The following BBS9 variants were observed in gnomAD, a reference collection of about 807,000 sequenced individuals.
BBS9 encodes the protein Bardet-Biedl syndrome 9.
In BBS9, 89 loss-of-function variants were observed where a neutral mutation model predicts 117.7. The ratio of observed to expected loss-of-function variants is 0.76; its 90% CI spans 0.64 to 0.90. The LOEUF (loss-of-function observed/expected upper bound fraction) is 0.90, where lower values mean the gene tolerates loss of function less well. BBS9 is among the 40% of genes least tolerant of loss of function. The probability of loss-of-function intolerance (pLI) is 0.00; values close to 1 mark genes in which losing one functional copy is unlikely to be tolerated. For synonymous variants in BBS9, 379 were observed against 370.9 expected, an observed-to-expected ratio of 1.02 and a Z score of -0.25; for missense variants, 982 against 1,042.2, an observed-to-expected ratio of 0.94 and a Z score of 0.80.
intron 9 of BBS9, among the ~76,000 whole-genome samples, chr7:33,320,820 A>C (rs1328609998): frequency 6.6e-6 from 1 of 151,954 alleles, no homozygotes; most frequent in African/African-American, 2.4e-5. Context: ...GTAGTCCTGA[A>C]GAGTTTCCTC....
chr7:33,352,914 C>A, intron 15 of BBS9, 41 bp downstream of exon 15: 1 of 1,582,722 alleles, frequency 6.3e-7, no homozygotes, highest in East Asian at 2.2e-5. Flanking sequence ...AATTTCAGAA[C>A]TGAAATTTGA....
chr7:33,292,340 A>C (rs1336970737), intron 9 of BBS9, among the ~76,000 whole-genome samples: 1 of 151,448 alleles, frequency 6.6e-6, no homozygotes, highest in Non-Finnish European at 1.5e-5. Flanking sequence ...TGATCCTCCC[A>C]CCTCAGCCCC....
At chr7:33,242,767 T>C (rs961021342) in intron 5 of BBS9, among the ~76,000 whole-genome samples, 13 of 152,200 alleles carry the variant, frequency 8.5e-5, no homozygotes, top group African/African-American at 3.1e-4. Flanking sequence ...AATTAGATGT[T>C]ACTTATAAGC....
At chr7:33,600,331 C>A (rs1370317505) in intron 21 of BBS9, among the ~76,000 whole-genome samples, 1 of 151,492 alleles carries the variant, frequency 6.6e-6, no homozygotes. Flanking sequence ...TCTACTAGTT[C>A]TTTTTATTCA....
intron 19 of BBS9, among the ~76,000 whole-genome samples, chr7:33,420,984 G>A (rs111860348): frequency 0.015 from 2,211 of 152,204 alleles, 23 homozygotes; most frequent in Non-Finnish European, 0.021. Flanking sequence ...ACACTGTTTT[G>A]TGGCATCTTG....
intron 21 of BBS9, among the ~76,000 whole-genome samples, chr7:33,615,524 A>G (rs1485341895): frequency 6.6e-6 from 1 of 152,082 alleles, no homozygotes; most frequent in Non-Finnish European, 1.5e-5. Flanking sequence ...TGTCAATAGA[A>G]ACTTCCCAAA....
At chr7:33,473,042 C>A (rs111906092) in intron 19 of BBS9, among the ~76,000 whole-genome samples, 2 of 152,228 alleles carry the variant, frequency 1.3e-5, no homozygotes, top group South Asian at 2.1e-4. Flanking sequence ...ATGGCCCTGC[C>A]GAGCTCCAGC....
At chr7:33,546,212 G>T (rs780346886) in intron 21 of BBS9, among the ~76,000 whole-genome samples, 5 of 151,770 alleles carry the variant, frequency 3.3e-5, no homozygotes, top group African/African-American at 7.3e-5. Context: ...GGATTACAGG[G>T]GTGAGCCACT....
At chr7:33,203,140 AG>A in intron 5 of BBS9, among the ~76,000 whole-genome samples, 1 of 152,172 alleles carries the variant, frequency 6.6e-6, no homozygotes, top group Non-Finnish European at 1.5e-5. Flanking sequence ...GGTAGGTGGT[AG>A]GGGTTGGTAA....
chr7:33,289,482 A>C (rs1489759102), intron 9 of BBS9, among the ~76,000 whole-genome samples: 1 of 152,276 alleles, frequency 6.6e-6, no homozygotes, highest in East Asian at 1.9e-4. Flanking sequence ...TTTTTATTTG[A>C]GAGAAAAGTT....
Position 33,477,820 on chromosome 7 carries a change from T to C in BBS9, c.2116-27643T>C, listed in dbSNP as rs1461038149. Among the ~76,000 whole-genome samples, 4 of 152,202 alleles carry C rather than the reference T, an allele frequency of 2.6e-5. No individual in the cohort carries two copies. The East Asian group carries it at 7.7e-4, about 29-fold the overall frequency. ...AGGGGTTAACTAATTCATTAAAATA[T>C]GTGTGCTGACCACTAGTTGTGTGGT... On this transcript the variant is annotated intron_variant, in intron 19 of 22. Coordinates refer to ENST00000242067, the MANE Select transcript of BBS9 (RefSeq NM_198428.3).
At chr7:33,411,542 A>C (rs1831140891) in intron 19 of BBS9, among the ~76,000 whole-genome samples, 1 of 152,206 alleles carries the variant, frequency 6.6e-6, no homozygotes, top group South Asian at 2.1e-4. Context: ...GATTTCAAGA[A>C]ACAACGCAAA....
At chr7:33,129,285 G>T (rs531369371), upstream of BBS9, 14 of 539,378 alleles carry the variant, frequency 2.6e-5, no homozygotes, top group African/African-American at 1.5e-4. Context: ...TCACGCGGCC[G>T]GGGGGGCGTG....
chr7:33,303,988 C>G (rs1234106716), intron 9 of BBS9, among the ~76,000 whole-genome samples: 2 of 150,962 alleles, frequency 1.3e-5, no homozygotes, highest in Admixed American at 1.3e-4. Flanking sequence ...ATGTGAGGAG[C>G]CCCTCTGCCC....
chr7:33,433,524 A>G (rs1056428617), intron 19 of BBS9, among the ~76,000 whole-genome samples: 1 of 152,224 alleles, frequency 6.6e-6, no homozygotes, highest in Non-Finnish European at 1.5e-5. Context: ...TCAGCTTATA[A>G]CATCATAATA....
At chr7:33,564,748 A>G (rs894535826) in intron 21 of BBS9, among the ~76,000 whole-genome samples, 33 of 152,336 alleles carry the variant, frequency 2.2e-4, no homozygotes, top group African/African-American at 6.5e-4. Flanking sequence ...AATAACAACA[A>G]TCTCACAAAT....
At chr7:33,483,388 A>C (rs955530277) in intron 19 of BBS9, among the ~76,000 whole-genome samples, 3 of 152,194 alleles carry the variant, frequency 2.0e-5, no homozygotes, top group Non-Finnish European at 4.4e-5. Flanking sequence ...CTGTTCAATG[A>C]TAATGGTGTC....
At chr7:33,617,311 C>G (rs1339373882) in intron 21 of BBS9, among the ~76,000 whole-genome samples, 1 of 151,946 alleles carries the variant, frequency 6.6e-6, no homozygotes, top group Non-Finnish European at 1.5e-5. Context: ...TAACACTAAT[C>G]AAAAGAAAGC....
intron 9 of BBS9, among the ~76,000 whole-genome samples, chr7:33,291,518 A>T: frequency 6.6e-6 from 1 of 152,130 alleles, no homozygotes; most frequent in South Asian, 2.1e-4. Context: ...TTTTTTCAAG[A>T]TTATGTCACA....
Sources: gnomAD v4.1 joint callset for allele counts (sites outside exome capture counted in the v4.1 genomes callset) on GRCh38, gnomAD v4.1.1 for gene constraint, MANE v1.5 for transcripts, NCBI Gene and HGNC (gene_info 2026-07-23, HGNC 2026-07-21) for gene names.